SFI1: variants seen among roughly 807,000 people sequenced by gnomAD.
SFI1 encodes the protein protein SFI1 homolog.
In SFI1, 195 loss-of-function variants were observed where a neutral mutation model predicts 207.5. The ratio of observed to expected loss-of-function variants is 0.94; its 90% confidence interval spans 0.84 to 1.06. The LOEUF (loss-of-function observed/expected upper bound fraction) is 1.06, where lower values mean the gene tolerates loss of function less well. Ranked by LOEUF, SFI1 falls within the 50% of genes least tolerant of loss-of-function variation. The pLI, the probability that SFI1 is intolerant of heterozygous loss-of-function variation, is 0.00. For missense variants in SFI1, 1,634 were observed against 1,588.0 expected, an observed-to-expected ratio of 1.03 and a Z score of -0.49; for synonymous variants, 630 against 598.9, an observed-to-expected ratio of 1.05 and a Z score of -0.76.
At chr22:31,520,133 G>A (rs1346817863) in intron 2 of SFI1, among the ~76,000 whole-genome samples, 5 of 147,236 alleles carry the variant, frequency 3.4e-5, no homozygotes, top group Admixed American at 6.9e-5. Flanking sequence ...GTGCCCTAGC[G>A]AATTATTATA....
chr22:31,603,814 A>T lies in SFI1; in HGVS notation c.1876A>T (p.Arg626Trp), dbSNP rs766906048. 1 of 1,570,842 alleles carries T rather than the reference A, an allele frequency of 6.4e-7. No individual in the cohort carries two copies. Among genetic ancestry groups the T allele is most frequent in the East Asian group, 2.4e-5 (1 of 41,550 alleles). Residue 626 changes from arginine to tryptophan, a missense_variant, in exon 18 of 33, where the codon AGG becomes TGG. Coordinates refer to ENST00000400288, the MANE Select transcript of SFI1 (RefSeq NM_001007467.3). The part of the protein sequence containing the change: ...QLLRWAWSQW[R>W]ECLALRGAER... ...CCTGCGTTGGGCCTGGAGCCAGTGGAGGGAGGTAAGGCTTTGGTGCGAGGT... is the reference window on the plus strand; with the variant it reads ...CCTGCGTTGGGCCTGGAGCCAGTGGTGGGAGGTAAGGCTTTGGTGCGAGGT...
chr22:31,571,082 T>G (rs529175331), intron 8 of SFI1, among the ~76,000 whole-genome samples: 45 of 152,334 alleles, frequency 3.0e-4, no homozygotes, highest in Non-Finnish European at 4.7e-4. Context: ...TTTGAGGAGC[T>G]TGAAACAGAA....
At position 31,613,845 on chromosome 22, in the gene SFI1, G is replaced by A. The variant is rs750749670; in HGVS notation, c.2986G>A (p.Ala996Thr). 3.8e-5 allele frequency: 61 copies of A among 1,602,700 alleles called. No individual in the cohort carries two copies. The highest frequency in any genetic ancestry group is 1.9e-4 in the South Asian group (17 of 90,236). The change falls in exon 27 of 33, where the codon GCC (alanine) becomes ACC (threonine). Residue 996 changes from alanine to threonine, a missense_variant. Physicochemically the swap from Ala to Thr is moderately conservative, Grantham distance 58. Coordinates refer to ENST00000400288, the MANE Select transcript of SFI1 (RefSeq NM_001007467.3). Reference sequence around the variant, plus strand: ...CCGCCTGGCTGCTGAGGAGCCCCACGCCCTGGAGCTGTGAGTAGCCTGTGC... The same window carrying A: ...CCGCCTGGCTGCTGAGGAGCCCCACACCCTGGAGCTGTGAGTAGCCTGTGC... ...LGRLAAEEPHALELNTAHSAR... is the reference protein window; with the variant it reads ...LGRLAAEEPHTLELNTAHSAR...
At chr22:31,551,789 A>G (rs1287686254) in intron 6 of SFI1, among the ~76,000 whole-genome samples, 1 of 152,212 alleles carries the variant, frequency 6.6e-6, no homozygotes, top group Non-Finnish European at 1.5e-5. Context: ...GCCATTTTGC[A>G]TTCCCACCAG....
chr22:31,594,854 CA>C (rs67157514), intron 15 of SFI1, among the ~76,000 whole-genome samples: 2,959 of 76,646 alleles, frequency 0.039, 26 homozygotes, highest in African/African-American at 0.088. Context: ...GACTCTGTCT[CA>C]AAAAAAAAAA....
rs1469326567 is a variant in SFI1 at position 31,602,897 on chromosome 22, C to G, written c.1805+112C>G. On this transcript the variant is annotated intron_variant, in intron 17 of 32. Coordinates refer to ENST00000400288, the MANE Select transcript of SFI1 (RefSeq NM_001007467.3). ...CTGGAGGACTGCATTACCCCAGACT[C>G]TGGTTGTAAGTTCTGGAAGTTCAAC... 5 of 1,233,866 alleles carry G rather than the reference C, an allele frequency of 4.1e-6. No homozygotes were observed. The African/African-American group carries it at 6.1e-5, about 15-fold the overall frequency. 76.4% of individuals were successfully genotyped at this position (1,233,866 alleles called of 1,614,324 possible).
At chr22:31,606,031 G>C in intron 20 of SFI1, 2 of 363,804 alleles carry the variant, frequency 5.5e-6, no homozygotes, top group Middle Eastern at 8.3e-4. Flanking sequence ...ATCACAGTGT[G>C]AGTCACCTGT....
intron 1 of SFI1, among the ~76,000 whole-genome samples, chr22:31,504,543 A>G (rs1340296100): frequency 2.0e-5 from 3 of 152,104 alleles, no homozygotes; most frequent in African/African-American, 4.8e-5. Context: ...ATTTACTTAA[A>G]TCTTACTCTT....
In SFI1 at chr22:31,535,008, G is replaced by A. The variant is rs183440073; in HGVS notation, c.338+3879G>A. On this transcript the variant is annotated intron_variant, in intron 4 of 32. Transcript: ENST00000400288. ...TCTACCTCAGCCTTCCACATAGCTG[G>A]GACTACAGGCACCACACCCAGCTAA... Among the ~76,000 whole-genome samples the A allele has an allele frequency of 4.7e-3, 717 of 151,332 alleles. 2 individuals carry two copies. Among genetic ancestry groups the A allele is most frequent in the Middle Eastern group, 0.034 (10 of 294 alleles).
intron 4 of SFI1, among the ~76,000 whole-genome samples, chr22:31,540,287 T>G (rs1424874428): frequency 6.6e-6 from 1 of 151,142 alleles, no homozygotes; most frequent in African/African-American, 2.4e-5. Context: ...TTTATTTTTA[T>G]TTTATTTTAT....
intron 15 of SFI1, among the ~76,000 whole-genome samples, chr22:31,597,396 T>G (rs73160669): frequency 0.063 from 9,622 of 152,196 alleles, 430 homozygotes; most frequent in Admixed American, 0.15. Context: ...ACTTGGTTTT[T>G]TGGATTCCTG....
chr22:31,596,972 CG>C (rs2146795590), intron 15 of SFI1, among the ~76,000 whole-genome samples: 1 of 115,616 alleles, frequency 8.6e-6, no homozygotes, highest in Admixed American at 8.9e-5. Flanking sequence ...ACACGGTACC[CG>C]TTTCTAAATG....
At position 31,588,838 on chromosome 22, in the gene SFI1, A is replaced by C. The variant is rs949506292; in HGVS notation, c.1414-609A>C. ...AAAAAAAAAAAACAAAAAACAACAA[A>C]AAAAACAAAAACATAAAACCTCTAT... On this transcript the variant is annotated intron_variant, in intron 14 of 32. Coordinates refer to ENST00000400288, the MANE Select transcript of SFI1 (RefSeq NM_001007467.3). 3.9e-5 allele frequency among the ~76,000 whole-genome samples: 6 copies of C among 152,002 alleles called. No homozygotes were observed. In the East Asian group the frequency reaches 7.7e-4, roughly 20 times the overall value.
At chr22:31,608,294 C>T (rs971767730) in intron 22 of SFI1, among the ~76,000 whole-genome samples, 16 of 152,162 alleles carry the variant, frequency 1.1e-4, no homozygotes, top group African/African-American at 3.6e-4. Flanking sequence ...CTTGCCTCTC[C>T]CAGCTTGTTT....
intron 1 of SFI1, among the ~76,000 whole-genome samples, chr22:31,502,406 C>T (rs2053940816): frequency 6.6e-6 from 1 of 150,696 alleles, no homozygotes; most frequent in African/African-American, 2.4e-5. Flanking sequence ...TGGAGTTTCA[C>T]GCTTGTCACC....
rs565091623 is a variant in SFI1 at position 31,604,454 on chromosome 22, T to G, written c.1977+50T>G. On this transcript the variant is annotated intron_variant, in intron 19 of 32. Transcript: ENST00000400288. Reference sequence around the variant, plus strand: ...ATCTTGCTGTGGGGACAGGGGAGGTTTCTGGAGACTTTGTTTTCCTTCCTT... The same window carrying G: ...ATCTTGCTGTGGGGACAGGGGAGGTGTCTGGAGACTTTGTTTTCCTTCCTT... 17 of 1,397,478 alleles carry G rather than the reference T, an allele frequency of 1.2e-5. No individual in the cohort carries two copies. The African/African-American group carries it at 1.7e-4, about 14-fold the overall frequency. The allele number at this position is 1,397,478 out of a possible 1,614,324, so 86.6% of individuals were successfully genotyped here.
rs962059683 is a variant in SFI1 at position 31,534,781 on chromosome 22, T to G, written c.338+3652T>G. Among the ~76,000 whole-genome samples, 5 of 152,090 alleles carry G rather than the reference T, an allele frequency of 3.3e-5. No homozygotes were observed. The East Asian group carries it at 7.7e-4, about 23-fold the overall frequency. Reference sequence around the variant, plus strand: ...TTTGAGATTGTAAACAAGGTTTTTTTTTTTCTTTTTTGTGGACAAATCTTC... The same window carrying G: ...TTTGAGATTGTAAACAAGGTTTTTTGTTTTCTTTTTTGTGGACAAATCTTC... On this transcript the variant is annotated intron_variant, in intron 4 of 32. Transcript: ENST00000400288.
At chr22:31,544,270 T>C (rs1296631147) in intron 4 of SFI1, among the ~76,000 whole-genome samples, 1 of 152,166 alleles carries the variant, frequency 6.6e-6, no homozygotes, top group Admixed American at 6.6e-5. Context: ...TTTCTCTTAC[T>C]CATCTTTTGC....
chr22:31,583,666 T>C (rs2064640070), intron 12 of SFI1, among the ~76,000 whole-genome samples: 1 of 152,242 alleles, frequency 6.6e-6, no homozygotes, highest in South Asian at 2.1e-4. Flanking sequence ...CTAATTTCCA[T>C]AGACTGGAAG....
Sources: gnomAD v4.1 joint callset for allele counts (sites outside exome capture counted in the v4.1 genomes callset) on GRCh38, gnomAD v4.1.1 for gene constraint, MANE v1.5 for transcripts, NCBI Gene and HGNC (gene_info 2026-07-23, HGNC 2026-07-21) for gene names.